The following COQ10B variants were observed in gnomAD, a reference collection of about 807,000 sequenced individuals.
COQ10B encodes the protein coenzyme Q10B.
Under a neutral mutation model 27.6 loss-of-function variants are expected in COQ10B, and 12 were observed. That is an observed-to-expected ratio of 0.43 (90% confidence interval 0.28 to 0.70). The LOEUF (loss-of-function observed/expected upper bound fraction) is 0.70, where lower values mean the gene tolerates loss of function less well. Ranked by LOEUF, COQ10B falls within the 30% of genes least tolerant of loss-of-function variation. The pLI is 0.17. For synonymous variants in COQ10B, 115 were observed against 103.0 expected (o/e 1.12, Z -0.71); for missense variants, 278 against 288.7 (o/e 0.96, Z 0.27).
Position 197,463,972 on chromosome 2 carries a change from T to TAC in COQ10B, c.447+1242_447+1243insCA, listed in dbSNP as rs1278637265. Among the ~76,000 whole-genome samples, 15 of 54,170 alleles carry TAC rather than the reference T, an allele frequency of 2.8e-4. No individual in the cohort carries two copies. In the South Asian group the frequency reaches 9.8e-3, roughly 35 times the overall value. 35.5% of individuals were successfully genotyped at this position (54,170 alleles called of 152,430 possible). Reference sequence around the variant, plus strand: ...AAAAAAAAAAAAAAAAAAATATATATATATATATATATATATATATATATA... The same window carrying TAC: ...AAAAAAAAAAAAAAAAAAATATATATACATATATATATATATATATATATATA... On this transcript the variant is annotated intron_variant, in intron 3 of 4. Coordinates refer to ENST00000263960, the MANE Select transcript of COQ10B (RefSeq NM_025147.5).
chr2:197,475,096 C>G lies in COQ10B; in HGVS notation c.*1172C>G, dbSNP rs1023645518. On this transcript the variant is annotated 3_prime_UTR_variant, in exon 5 of 5. Coordinates refer to ENST00000263960, the MANE Select transcript of COQ10B (RefSeq NM_025147.5). Reference sequence around the variant, plus strand: ...AATGTAAGGACTGAAGTTGAAGTAGCAATGTAATAAAGTTAATTTGTTTAT... The same window carrying G: ...AATGTAAGGACTGAAGTTGAAGTAGGAATGTAATAAAGTTAATTTGTTTAT... 1.3e-5 allele frequency: 2 copies of G among 152,248 alleles called. No homozygotes were observed. Among genetic ancestry groups the G allele is most frequent in the African/African-American group, 4.8e-5 (2 of 41,412 alleles). The allele number at this position is 152,248 out of a possible 1,614,324, so 9.4% of individuals were successfully genotyped here.
intron 2 of COQ10B, among the ~76,000 whole-genome samples, chr2:197,461,851 G>C (rs2085763101): frequency 6.6e-6 from 1 of 152,044 alleles, no homozygotes; most frequent in East Asian, 2.0e-4. Flanking sequence ...ATGTCGGCCA[G>C]GCTGGTCTCA....
intron 1 of COQ10B, among the ~76,000 whole-genome samples, chr2:197,456,352 C>CT (rs2085698198): frequency 1.3e-5 from 2 of 151,682 alleles, no homozygotes; most frequent in Admixed American, 1.3e-4. Context: ...GTAGTGCCAG[C>CT]TACTCGGGAG....
chr2:197,473,433 T>TATATAC (rs1344956578), intron 4 of COQ10B, among the ~76,000 whole-genome samples: 5 of 103,476 alleles, frequency 4.8e-5, no homozygotes, highest in Non-Finnish European at 1.0e-4. Flanking sequence ...TATATATATA[T>TATATAC]ATATATATAC....
At chr2:197,467,712 T>C (rs947364958) in intron 3 of COQ10B, among the ~76,000 whole-genome samples, 6 of 152,198 alleles carry the variant, frequency 3.9e-5, no homozygotes, top group African/African-American at 1.4e-4. Context: ...GACAACACAG[T>C]AAAAATTATT....
In COQ10B at chr2:197,462,616, C is replaced by A; in HGVS notation, c.332C>A (p.Ser111Ter). The A allele has an allele frequency of 6.3e-7, 1 of 1,598,726 alleles. No individual in the cohort carries two copies. The highest frequency in any genetic ancestry group is 1.1e-5 in the South Asian group (1 of 89,246). ...CATTTTGTTCCTTGGTGCAAAAAATCAGATGTTATATCAAAGAGATCTGGA... is the reference window on the plus strand; with the variant it reads ...CATTTTGTTCCTTGGTGCAAAAAATAAGATGTTATATCAAAGAGATCTGGA... Reference protein sequence around the residue: ...YKHFVPWCKKSDVISKRSGYC... With the variant: ...YKHFVPWCKK The change falls in exon 3 of 5, where the codon TCA (serine) becomes TAA (stop). Residue 111 changes from serine (S) to a stop codon, truncating the protein, a stop_gained. Coordinates refer to ENST00000263960, the MANE Select transcript of COQ10B (RefSeq NM_025147.5). LOFTEE classifies it high-confidence loss of function.
chr2:197,460,188 T>A, intron 2 of COQ10B, 107 bp downstream of exon 2: 2 of 695,806 alleles, frequency 2.9e-6, no homozygotes, highest in African/African-American at 1.9e-5. Context: ...GACTAAGCTC[T>A]CTTTTCTAGG....
chr2:197,472,316 G>A (rs2085886029), intron 4 of COQ10B, among the ~76,000 whole-genome samples: 5 of 152,040 alleles, frequency 3.3e-5, no homozygotes, highest in Admixed American at 3.3e-4. Flanking sequence ...ACAGTCATGG[G>A]TTCTTAGTTT....
Position 197,455,395 on chromosome 2 carries a change from G to A in COQ10B, c.104+1731G>A, listed in dbSNP as rs146380607. 1.0e-3 allele frequency among the ~76,000 whole-genome samples: 158 copies of A among 152,174 alleles called. 1 individual carries two copies. The highest frequency in any genetic ancestry group is 1.5e-3 in the Non-Finnish European group (103 of 68,024). On this transcript the variant is annotated intron_variant, in intron 1 of 4. Coordinates refer to ENST00000263960, the MANE Select transcript of COQ10B (RefSeq NM_025147.5). The stretch of plus-strand genomic sequence containing the variant: ...AATTCCAACACTTTGGGAGGCTGAG[G>A]CGGGAGGATTGCCTGAGCTCATGAA...
chr2:197,454,004 C>T (rs992925730), intron 1 of COQ10B: 2 of 1,551,176 alleles, frequency 1.3e-6, no homozygotes, highest in South Asian at 2.4e-5. Context: ...TAACTTTGCG[C>T]AGAAGGGTTG....
chr2:197,467,691 A>G (rs1469525894), intron 3 of COQ10B, among the ~76,000 whole-genome samples: 1 of 152,254 alleles, frequency 6.6e-6, no homozygotes, highest in Non-Finnish European at 1.5e-5. Flanking sequence ...TCTGGATTTT[A>G]ATACCCAATA....
chr2:197,463,984 TATATATATATATAC>T (rs1490091199), intron 3 of COQ10B, among the ~76,000 whole-genome samples: 17 of 82,614 alleles, frequency 2.1e-4, no homozygotes, highest in African/African-American at 5.3e-4. Context: ...TATATATATA[TATATATATATATAC>T]ACACACACAC....
At chr2:197,472,182 C>T (rs542025699) in intron 4 of COQ10B, among the ~76,000 whole-genome samples, 1 of 151,086 alleles carries the variant, frequency 6.6e-6, no homozygotes, top group Non-Finnish European at 1.5e-5. Context: ...GAAAGATAAA[C>T]ATTTTAATAT....
At chr2:197,473,047 T>C (rs2085895441) in intron 4 of COQ10B, among the ~76,000 whole-genome samples, 2 of 152,162 alleles carry the variant, frequency 1.3e-5, no homozygotes, top group Admixed American at 6.6e-5. Flanking sequence ...TCTTCTCTTA[T>C]TAAGAAACAG....
rs143021807 is a variant in COQ10B, at chr2:197,468,905, T to C, written c.448-1165T>C. Among the ~76,000 whole-genome samples the C allele has an allele frequency of 2.6e-3, 399 of 152,206 alleles. 5 individuals carry two copies. The highest frequency in any genetic ancestry group is 9.3e-3 in the African/African-American group (385 of 41,534). Reference sequence around the variant, plus strand: ...AAAAATAAAAATAAAATGCTGAGCATCTCTCAGGGTCATAACGAGCATAAT... The same window carrying C: ...AAAAATAAAAATAAAATGCTGAGCACCTCTCAGGGTCATAACGAGCATAAT... On this transcript the variant is annotated intron_variant, in intron 3 of 4. Transcript: ENST00000263960.
chr2:197,470,865 A>C (rs2085870692), intron 4 of COQ10B, among the ~76,000 whole-genome samples: 1 of 152,246 alleles, frequency 6.6e-6, no homozygotes, highest in Admixed American at 6.5e-5. Context: ...ATTGCACTCC[A>C]GCCTGGGCAA....
chr2:197,459,299 G>A (rs71422651), intron 1 of COQ10B, among the ~76,000 whole-genome samples: 11 of 152,050 alleles, frequency 7.2e-5, no homozygotes, highest in African/African-American at 2.7e-4. Context: ...CCTGAGTAAC[G>A]GGAACTACAG....
rs138053592 is a variant in COQ10B at position 197,454,127 on chromosome 2, C to G, written c.104+463C>G. 6.4e-3 allele frequency: 9,929 copies of G among 1,550,584 alleles called. 42 individuals carry two copies. Among genetic ancestry groups the G allele is most frequent in the Non-Finnish European group, 7.3e-3 (8,351 of 1,146,868 alleles). On this transcript the variant is annotated intron_variant, in intron 1 of 4. Transcript: ENST00000263960. ...CCCAATTTCTGAAAGAGTGCTTTGC[C>G]CTCGCCATTTAGTGTTTACAAAACT... is the stretch of plus-strand genomic sequence containing the variant.
chr2:197,472,821 A>AAG (rs1642914663), intron 4 of COQ10B, among the ~76,000 whole-genome samples: 1 of 150,828 alleles, frequency 6.6e-6, no homozygotes, highest in Admixed American at 6.6e-5. Flanking sequence ...AAAAAAAAAA[A>AAG]GAAAGATTAA....
Sources: gnomAD v4.1 joint callset for allele counts (sites outside exome capture counted in the v4.1 genomes callset) on GRCh38, gnomAD v4.1.1 for gene constraint, MANE v1.5 for transcripts, NCBI Gene and HGNC (gene_info 2026-07-23, HGNC 2026-07-21) for gene names.